ERH: variants seen among roughly 807,000 people sequenced by gnomAD.
ERH encodes the protein ERH mRNA splicing and mitosis factor.
In ERH, 1 loss-of-function variant was observed where a neutral mutation model predicts 16.8. That is an observed-to-expected ratio of 0.06 (90% CI 0.02 to 0.28). The LOEUF (loss-of-function observed/expected upper bound fraction) is 0.28, where lower values mean the gene tolerates loss of function less well. Among genes scored for constraint, ERH ranks in the 10% least tolerant of loss-of-function variants. The pLI is 1.00. For synonymous variants in ERH, 43 were observed against 43.6 expected (o/e 0.99, Z 0.05); for missense variants, 42 against 127.5 (o/e 0.33, Z 3.23).
chr14:69,395,138 G>C (rs1882308121), intron 1 of ERH, among the ~76,000 whole-genome samples: 1 of 152,040 alleles, frequency 6.6e-6, no homozygotes, highest in Non-Finnish European at 1.5e-5. Flanking sequence ...AACATAGCAA[G>C]ACCCTGTCTC....
chr14:69,394,738 G>T, intron 2 of ERH, 87 bp downstream of exon 2: 1 of 779,340 alleles, frequency 1.3e-6, no homozygotes, highest in South Asian at 1.6e-5. Context: ...TGGGGTGGAT[G>T]GACTATTAAA....
intron 2 of ERH, among the ~76,000 whole-genome samples, chr14:69,391,335 T>A (rs1256635441): frequency 1.3e-5 from 2 of 151,904 alleles, no homozygotes; most frequent in Non-Finnish European, 2.9e-5. Flanking sequence ...ACACAAAAAG[T>A]AAGAACCATA....
At chr14:69,397,074 G>A (rs1882357581) in intron 1 of ERH, among the ~76,000 whole-genome samples, 1 of 152,128 alleles carries the variant, frequency 6.6e-6, no homozygotes, top group African/African-American at 2.4e-5. Flanking sequence ...ACAGCATGTT[G>A]CTTTTTATAT....
rs139656167 is a variant in ERH, at chr14:69,396,011, G to C, written c.4-1099C>G. On this transcript the variant is annotated intron_variant, in intron 1 of 3. Coordinates refer to ENST00000557016, the MANE Select transcript of ERH (RefSeq NM_004450.3). ...TACCTTTTGGGTTGACTGATTCTTT[G>C]TTACAAATGTCCCTTGGGGAGCAAA... 3.1e-3 allele frequency among the ~76,000 whole-genome samples: 478 copies of C among 152,270 alleles called. 4 individuals are homozygous for C. The highest frequency in any genetic ancestry group is 0.011 in the African/African-American group (464 of 41,540).
At chr14:69,387,212 G>T in intron 2 of ERH, 129 bp from the exon 3 acceptor site, 1 of 679,488 alleles carries the variant, frequency 1.5e-6, no homozygotes, top group Non-Finnish European at 2.4e-6. Context: ...GGGAAAAGAT[G>T]ATAGATTGAT....
At chr14:69,395,494 A>C (rs753711053) in intron 1 of ERH, among the ~76,000 whole-genome samples, 6 of 152,052 alleles carry the variant, frequency 3.9e-5, no homozygotes, top group Non-Finnish European at 7.4e-5. Flanking sequence ...TTCCCAACTA[A>C]ATTATAAACC....
chr14:69,382,122 C>G (rs1268145164), intron 3 of ERH, among the ~76,000 whole-genome samples: 1 of 152,160 alleles, frequency 6.6e-6, no homozygotes, highest in Non-Finnish European at 1.5e-5. Context: ...AAGTTAGAAA[C>G]CTAAACTACA....
chr14:69,380,895 T>A (rs2045859280), intron 3 of ERH, among the ~76,000 whole-genome samples: 1 of 152,256 alleles, frequency 6.6e-6, no homozygotes, highest in East Asian at 1.9e-4. Context: ...ATATGTTACA[T>A]ATCTACTTCT....
intron 3 of ERH, 127 bp from the exon 4 acceptor site, chr14:69,380,767 G>A (rs901640831): frequency 1.7e-5 from 10 of 587,728 alleles, no homozygotes; most frequent in Non-Finnish European, 3.1e-5. Flanking sequence ...TTAATGAAAA[G>A]CTGAAAGAGC....
intron 2 of ERH, among the ~76,000 whole-genome samples, chr14:69,390,881 C>A (rs940716152): frequency 6.6e-6 from 1 of 152,058 alleles, no homozygotes; most frequent in African/African-American, 2.4e-5. Flanking sequence ...ATGCAGATGG[C>A]AAATAAGCAC....
chr14:69,382,789 CAAAAGAAA>C (rs1167880643), intron 3 of ERH, among the ~76,000 whole-genome samples: 1 of 103,134 alleles, frequency 9.7e-6, no homozygotes, highest in African/African-American at 3.7e-5. Context: ...ACTCTATCTC[CAAAAGAAA>C]AAAAAAAAAA....
rs79037706 is a variant in ERH, at chr14:69,386,121, G to A, written c.212+842C>T. Among the ~76,000 whole-genome samples, 879 of 152,250 alleles carry A rather than the reference G, an allele frequency of 5.8e-3. 5 individuals are homozygous for A. The highest frequency in any genetic ancestry group is 0.02 in the African/African-American group (836 of 41,544). ...TGATCAAAGTGAAATGGCTACAACCGGAACACAATGAAGAGGTACAGAAAA... is the reference window on the plus strand; with the variant it reads ...TGATCAAAGTGAAATGGCTACAACCAGAACACAATGAAGAGGTACAGAAAA... On this transcript the variant is annotated intron_variant, in intron 3 of 3. Coordinates refer to ENST00000557016, the MANE Select transcript of ERH (RefSeq NM_004450.3).
At chr14:69,384,156 CT>C (rs1459994828) in intron 3 of ERH, among the ~76,000 whole-genome samples, 1 of 152,174 alleles carries the variant, frequency 6.6e-6, no homozygotes, top group Non-Finnish European at 1.5e-5. Flanking sequence ...TATAATTTAT[CT>C]CACACGTAGA....
intron 2 of ERH, among the ~76,000 whole-genome samples, chr14:69,389,623 T>C (rs1190987367): frequency 1.3e-5 from 2 of 152,228 alleles, no homozygotes; most frequent in Non-Finnish European, 2.9e-5. Flanking sequence ...TGAAAATAAA[T>C]TTTATTTCTA....
chr14:69,383,812 A>C (rs2045876700), intron 3 of ERH, among the ~76,000 whole-genome samples: 1 of 152,302 alleles, frequency 6.6e-6, no homozygotes, highest in South Asian at 2.1e-4. Context: ...TTGTATTAAA[A>C]ATCAGTTTAG....
At chr14:69,385,885 T>C (rs1369209517) in intron 3 of ERH, among the ~76,000 whole-genome samples, 2 of 152,166 alleles carry the variant, frequency 1.3e-5, no homozygotes, top group African/African-American at 4.8e-5. Flanking sequence ...CAGGATATCA[T>C]TGCTCCCTGC....
intron 2 of ERH, among the ~76,000 whole-genome samples, chr14:69,391,983 C>A (rs977780780): frequency 6.6e-6 from 1 of 152,030 alleles, no homozygotes; most frequent in Admixed American, 6.6e-5. Context: ...AATATTAATT[C>A]ACCAATCCCA....
At position 69,380,383 on chromosome 14, in the gene ERH, G is replaced by T; in HGVS notation, c.*155C>A. On this transcript the variant is annotated 3_prime_UTR_variant, in exon 4 of 4. Transcript: ENST00000557016. ...GAGGAGGTAACGGGGGTTTCCGATTGAACAAGATCCTCACATTTCATCTAA... is the reference window on the plus strand; with the variant it reads ...GAGGAGGTAACGGGGGTTTCCGATTTAACAAGATCCTCACATTTCATCTAA... 2.2e-6 allele frequency: 1 copy of T among 454,282 alleles called. No homozygotes were observed. 28.1% of individuals were successfully genotyped at this position (454,282 alleles called of 1,614,324 possible). A position where few individuals can be genotyped will look rare whatever the true frequency, so the allele number is the denominator to read the frequency against.
intron 1 of ERH, among the ~76,000 whole-genome samples, chr14:69,397,479 G>C (rs935060804): frequency 1.3e-5 from 2 of 151,038 alleles, no homozygotes; most frequent in African/African-American, 2.4e-5. Flanking sequence ...CAGAGCACAG[G>C]AAAACGAAAG....
Sources: gnomAD v4.1 joint callset for allele counts (sites outside exome capture counted in the v4.1 genomes callset) on GRCh38, gnomAD v4.1.1 for gene constraint, MANE v1.5 for transcripts, NCBI Gene and HGNC (gene_info 2026-07-23, HGNC 2026-07-21) for gene names.